RAI1: variants seen among roughly 807,000 people sequenced by gnomAD.
RAI1 encodes the protein retinoic acid-induced protein 1.
RAI1 carries 9 observed loss-of-function variants against 123.8 expected under a neutral mutation model. The ratio of observed to expected loss-of-function variants is 0.07; its 90% CI spans 0.04 to 0.13. RAI1 has a LOEUF of 0.13. RAI1 is among the 10% of genes least tolerant of loss of function. The pLI is 1.00. For missense variants in RAI1, 2,256 were observed against 2,545.8 expected, an observed-to-expected ratio of 0.89 and a Z score of 2.45; for synonymous variants, 1,231 against 1,127.3, an observed-to-expected ratio of 1.09 and a Z score of -1.84.
At chr17:17,765,426 C>A (rs1264040031) in intron 2 of RAI1, among the ~76,000 whole-genome samples, 2 of 152,234 alleles carry the variant, frequency 1.3e-5, no homozygotes, top group Non-Finnish European at 2.9e-5. Flanking sequence ...GTCTTCCAGG[C>A]GACTTGGGGG....
chr17:17,775,136 G>A (rs2031290690), intron 2 of RAI1, among the ~76,000 whole-genome samples: 1 of 151,784 alleles, frequency 6.6e-6, no homozygotes, highest in South Asian at 2.1e-4. Context: ...TTTGTGTGCA[G>A]CTGACCCTTG....
chr17:17,733,113 T>C (rs1451429761), intron 2 of RAI1, among the ~76,000 whole-genome samples: 1 of 152,164 alleles, frequency 6.6e-6, no homozygotes, highest in African/African-American at 2.4e-5. Context: ...CAGTTCCCAC[T>C]CATGTGCCAG....
chr17:17,702,376 T>C (rs188582432), intron 1 of RAI1, among the ~76,000 whole-genome samples: 1 of 152,338 alleles, frequency 6.6e-6, no homozygotes, highest in Admixed American at 6.5e-5. Context: ...TATCTTCAGC[T>C]GGGTTCCTCA....
intron 1 of RAI1, among the ~76,000 whole-genome samples, chr17:17,698,640 T>G (rs1915113632): frequency 6.6e-6 from 1 of 152,206 alleles, no homozygotes; most frequent in Admixed American, 6.5e-5. Context: ...TTCCCCTGCC[T>G]GCACCCCCAG....
chr17:17,691,487 G>T (rs548960911), intron 1 of RAI1, among the ~76,000 whole-genome samples: 1 of 152,226 alleles, frequency 6.6e-6, no homozygotes, highest in African/African-American at 2.4e-5. Flanking sequence ...AAAAGGTAGC[G>T]GGAAGAAAGA....
chr17:17,797,313 C>T lies in RAI1; in HGVS notation c.4365C>T (p.Ala1455=). ...GGAGCCGGAAAGGCCGGGCAGGGGC[C>T]CATGGACTCTCCAAAGGCCCGCTGG... ...KKRSRKGRAG[A]HGLSKGPLEK... The change falls in exon 3 of 6, where the codon GCC becomes GCT. Residue 1455 remains alanine (A), a synonymous_variant. Coordinates refer to ENST00000353383, the MANE Select transcript of RAI1 (RefSeq NM_030665.4). 4 of 1,612,530 alleles carry T rather than the reference C, an allele frequency of 2.5e-6. No homozygotes were observed. Among genetic ancestry groups the T allele is most frequent in the Non-Finnish European group, 2.5e-6 (3 of 1,179,878 alleles).
chr17:17,764,960 A>ATTCTATTGTGTGCATATGCC (rs1385425425), intron 2 of RAI1, among the ~76,000 whole-genome samples: 6 of 152,156 alleles, frequency 3.9e-5, no homozygotes, highest in Non-Finnish European at 8.8e-5. Flanking sequence ...ATTGTGTAGT[A>ATTCTATTGTGTGCATATGCC]TTCTATTGTG....
chr17:17,788,311 C>T (rs937527282), intron 2 of RAI1, among the ~76,000 whole-genome samples: 3 of 152,202 alleles, frequency 2.0e-5, no homozygotes, highest in Admixed American at 2.0e-4. Context: ...GGCACCCAAC[C>T]TCTTGTCTTG....
chr17:17,703,744 G>T (rs762050991), intron 1 of RAI1, among the ~76,000 whole-genome samples: 6 of 152,152 alleles, frequency 3.9e-5, no homozygotes, highest in Non-Finnish European at 7.4e-5. Flanking sequence ...GAGCTCAAAC[G>T]ATCCTTCCGC....
At chr17:17,715,165 C>A (rs539105646) in intron 1 of RAI1, among the ~76,000 whole-genome samples, 1 of 152,356 alleles carries the variant, frequency 6.6e-6, no homozygotes, top group South Asian at 2.1e-4. Flanking sequence ...GGCCAAGAGC[C>A]ATCATTTTTC....
chr17:17,723,528 C>T (rs1915959022), intron 1 of RAI1, among the ~76,000 whole-genome samples: 1 of 150,942 alleles, frequency 6.6e-6, no homozygotes, highest in Admixed American at 6.6e-5. Context: ...TGCGCGCGCG[C>T]GCACTCTTAC....
chr17:17,738,302 G>A (rs1916503548), intron 2 of RAI1, among the ~76,000 whole-genome samples: 1 of 151,512 alleles, frequency 6.6e-6, no homozygotes, highest in South Asian at 2.1e-4. Context: ...GGTGGGCTGG[G>A]GTGGGTGAGG....
intron 1 of RAI1, among the ~76,000 whole-genome samples, chr17:17,716,642 G>A (rs561887509): frequency 5.3e-5 from 8 of 152,342 alleles, no homozygotes; most frequent in South Asian, 2.1e-4. Context: ...TCTGGGGGCT[G>A]CGTATGAGGT....
At position 17,793,709 on chromosome 17, in the gene RAI1, G is replaced by T. The variant is rs2032111580; in HGVS notation, c.761G>T (p.Ser254Ile). ...CCCCATGACAGGCCGCTGACTGCCA[G>T]CTCCAGCCTGGCCCCGGGGCAGCGG... ...AQPHDRPLTA[S>I]SSLAPGQRVQ... The change falls in exon 3 of 6, where the codon AGC (serine) becomes ATC (isoleucine). Residue 254 changes from serine (S) to isoleucine (I), a missense_variant. Physicochemically the swap from Ser to Ile is moderately radical, Grantham distance 142 (BLOSUM62 -2). Around this residue, in one of 7 missense-constraint regions of RAI1, gnomAD observed 336 missense variants for 349.8 expected, o/e 0.96. Coordinates refer to ENST00000353383, the MANE Select transcript of RAI1 (RefSeq NM_030665.4). 10 of 1,613,012 alleles carry T rather than the reference G, an allele frequency of 6.2e-6. No individual in the cohort carries two copies. Among genetic ancestry groups the T allele is most frequent in the Middle Eastern group, 3.3e-4 (2 of 6,062 alleles).
At chr17:17,805,230 G>A (rs946754382) in intron 4 of RAI1, among the ~76,000 whole-genome samples, 2 of 152,162 alleles carry the variant, frequency 1.3e-5, no homozygotes, top group Admixed American at 1.3e-4. Context: ...TTCCCTACCT[G>A]TATGATGGAG....
chr17:17,748,159 A>G (rs1231789029), intron 2 of RAI1, among the ~76,000 whole-genome samples: 2 of 152,228 alleles, frequency 1.3e-5, no homozygotes, highest in Admixed American at 1.3e-4. Context: ...TTCTTTACTC[A>G]TTCATCTAAC....
At chr17:17,760,104 C>T (rs551580190) in intron 2 of RAI1, among the ~76,000 whole-genome samples, 1 of 152,352 alleles carries the variant, frequency 6.6e-6, no homozygotes, top group Admixed American at 6.5e-5. Flanking sequence ...CAGGACTAGG[C>T]ACCCAGACAG....
At chr17:17,780,180 C>G (rs1298706814) in intron 2 of RAI1, among the ~76,000 whole-genome samples, 1 of 151,708 alleles carries the variant, frequency 6.6e-6, no homozygotes, top group Non-Finnish European at 1.5e-5. Flanking sequence ...ATTCTCATGC[C>G]TCAGCCTCCC....
chr17:17,719,212 A>G (rs1193986575), intron 1 of RAI1, among the ~76,000 whole-genome samples: 1 of 152,096 alleles, frequency 6.6e-6, no homozygotes, highest in Non-Finnish European at 1.5e-5. Context: ...TCCCTGCTCA[A>G]AACACTGCAG....
Sources: allele counts gnomAD v4.1 joint callset (sites outside exome capture counted in the v4.1 genomes callset), GRCh38; gene constraint gnomAD v4.1.1; regional missense constraint gnomAD v4.1.1; transcripts MANE v1.5; gene names NCBI Gene and HGNC (gene_info 2026-07-23, HGNC 2026-07-21).